SETD2: variants seen among roughly 807,000 people sequenced by gnomAD.
The protein encoded by SETD2 is SET domain containing 2, histone lysine methyltransferase.
In SETD2, 31 loss-of-function variants were observed where a neutral mutation model predicts 242.1. The observed-to-expected ratio is 0.13, with a 90% CI of 0.10 to 0.17. SETD2 has a LOEUF of 0.17. Among genes scored for constraint, SETD2 ranks in the 10% least tolerant of loss-of-function variants. The probability of loss-of-function intolerance (pLI) is 1.00; values close to 1 mark genes in which losing one functional copy is unlikely to be tolerated. For synonymous variants in SETD2, 1,006 were observed against 1,066.5 expected (o/e 0.94, Z 1.11); for missense variants, 2,481 against 3,046.3 (o/e 0.81, Z 4.37).
Position 47,057,053 on chromosome 3 carries a change from C to T in SETD2, c.6731G>A (p.Ser2244Asn). ...EVSSSQYVAQ[S>N]DGVVHQDSSV... ...GGAGTCTTGGTGTACTACACCATCA[C>T]TCTGGGCCACATACTGGGAACTGGA... The change falls in exon 15 of 21, where the codon AGT (serine) becomes AAT (asparagine). Residue 2244 changes from serine to asparagine, a missense_variant. Ser to Asn is a conservative substitution (Grantham distance 46). Transcript: ENST00000409792. 1 of 1,614,264 alleles carries T rather than the reference C, an allele frequency of 6.2e-7. No individual in the cohort carries two copies. Among genetic ancestry groups the T allele is most frequent in the East Asian group, 2.2e-5 (1 of 44,890 alleles).
At chr3:47,128,956 C>T (rs897587624) in intron 1 of SETD2, among the ~76,000 whole-genome samples, 1 of 152,072 alleles carries the variant, frequency 6.6e-6, no homozygotes, top group Non-Finnish European at 1.5e-5. Context: ...CGCACACATA[C>T]GAAATGCTAG....
At chr3:47,068,088 G>A (rs769907167) in intron 12 of SETD2, among the ~76,000 whole-genome samples, 1 of 152,058 alleles carries the variant, frequency 6.6e-6, no homozygotes, top group Non-Finnish European at 1.5e-5. Context: ...ACCGTCCATC[G>A]AGTAACTATT....
At chr3:47,097,541 T>C (rs2042055015) in intron 9 of SETD2, among the ~76,000 whole-genome samples, 1 of 152,194 alleles carries the variant, frequency 6.6e-6, no homozygotes, top group African/African-American at 2.4e-5. Flanking sequence ...GGTTACCTAC[T>C]TCCTCTCAAA....
intron 12 of SETD2, among the ~76,000 whole-genome samples, chr3:47,075,599 A>G (rs1456336688): frequency 2.0e-5 from 3 of 151,252 alleles, no homozygotes; most frequent in Non-Finnish European, 2.9e-5. Flanking sequence ...GAAGAATCTA[A>G]AAAGTATTTG....
chr3:47,102,949 A>G (rs2042273116), intron 7 of SETD2, among the ~76,000 whole-genome samples: 2 of 152,310 alleles, frequency 1.3e-5, no homozygotes, highest in Admixed American at 1.3e-4. Context: ...AAAATAATAT[A>G]CAAAATAATT....
At chr3:47,053,052 G>T (rs1470820569) in intron 15 of SETD2, among the ~76,000 whole-genome samples, 1 of 151,808 alleles carries the variant, frequency 6.6e-6, no homozygotes, top group Non-Finnish European at 1.5e-5. Flanking sequence ...ATCATGCCCA[G>T]CTAATTTTTG....
intron 1 of SETD2, among the ~76,000 whole-genome samples, chr3:47,151,113 G>A (rs1021657876): frequency 1.3e-5 from 2 of 151,888 alleles, no homozygotes; most frequent in African/African-American, 4.8e-5. Context: ...TCCATTAAAA[G>A]AGAAGAACAT....
At chr3:47,125,085 G>A (rs999798118) in intron 2 of SETD2, among the ~76,000 whole-genome samples, 2 of 152,028 alleles carry the variant, frequency 1.3e-5, no homozygotes, top group Non-Finnish European at 2.9e-5. Context: ...TTGGGAGGCC[G>A]AGGCGGGAGG....
chr3:47,094,468 C>T (rs2041927974), intron 9 of SETD2, among the ~76,000 whole-genome samples: 2 of 152,230 alleles, frequency 1.3e-5, no homozygotes, highest in South Asian at 4.1e-4. Context: ...TGCAAAACTG[C>T]ATTCTGAACT....
Position 47,121,496 on chromosome 3 carries a change from T to A in SETD2, c.3140A>T (p.Asp1047Val), listed in dbSNP as rs762521732. 1 of 1,614,090 alleles carries A rather than the reference T, an allele frequency of 6.2e-7. No individual in the cohort carries two copies. Among genetic ancestry groups the A allele is most frequent in the East Asian group, 2.2e-5 (1 of 44,868 alleles). The part of the protein sequence containing the change: ...DYSGSSESSN[D>V]ESDSEDTDSD... ...ATCTGTATCTTCTGAATCACTTTCA[T>A]CATTTGAACTTTCAGAAGAGCCAGA... The change falls in exon 3 of 21, where the codon GAT becomes GTT. Residue 1047 changes from aspartate to valine, a missense_variant. By Grantham distance (152) the Asp-to-Val change is radical. Transcript: ENST00000409792.
At chr3:47,032,158 T>G (rs957257710) in intron 18 of SETD2, among the ~76,000 whole-genome samples, 2 of 152,122 alleles carry the variant, frequency 1.3e-5, no homozygotes, top group African/African-American at 4.8e-5. Flanking sequence ...TGAAAGAGTC[T>G]TAGGAACCTA....
At chr3:47,042,749 T>C (rs757770514) in intron 16 of SETD2, 49 bp from the exon 17 acceptor site, 2 of 1,524,920 alleles carry the variant, frequency 1.3e-6, no homozygotes, top group Non-Finnish European at 1.8e-6. Flanking sequence ...TCTCTTAATC[T>C]GGCTGAATAG....
rs1314067079 is a variant in SETD2, at chr3:47,121,278, T to G, written c.3358A>C (p.Ile1120Leu). The G allele has an allele frequency of 6.2e-7, 1 of 1,613,660 alleles. No individual in the cohort carries two copies. The highest frequency in any genetic ancestry group is 8.5e-7 in the Non-Finnish European group (1 of 1,180,024). Residue 1120 changes from isoleucine (I) to leucine (L), a missense_variant, in exon 3 of 21, where the codon ATA becomes CTA. Ile to Leu is a conservative substitution (Grantham distance 5, BLOSUM62 2). Transcript: ENST00000409792. ...GTTTGAGGACAGGCTTTACTTGCTA[T>G]ACTTTCAAATTTTTCCTCATACAAA... ...RHLYEEKFES[I>L]ASKACPQTDK... is the part of the protein sequence containing the mutation.
chr3:47,024,466 C>T (rs529488516), intron 18 of SETD2, among the ~76,000 whole-genome samples: 306 of 152,148 alleles, frequency 2.0e-3, no homozygotes, highest in African/African-American at 5.9e-3. Context: ...AGTGAGACTC[C>T]GTCTCAAATA....
In SETD2 at chr3:47,017,382, G is replaced by A. The variant is rs972735700; in HGVS notation, c.7534-128C>T. On this transcript the variant is annotated intron_variant, in intron 20 of 20. Transcript: ENST00000409792. This position sits in a 1 kb window ranked among gnomAD's most constrained non-coding sequence, Gnocchi z 4.8. ...TCTCACCAAGACAGGAAGTTAATAA[G>A]GGGGTAGATGTTGGGGCAGGCTGGT... 5.9e-5 allele frequency: 59 copies of A among 995,052 alleles called. No homozygotes were observed. The highest frequency in any genetic ancestry group is 2.5e-4 in the Middle Eastern group (1 of 3,982). The allele number at this position is 995,052 out of a possible 1,614,324, so 61.6% of individuals were successfully genotyped here. A position where few individuals can be genotyped will look rare whatever the true frequency, so the allele number is the denominator to read the frequency against.
chr3:47,060,023 G>T (rs2040265717), intron 14 of SETD2, among the ~76,000 whole-genome samples: 2 of 152,116 alleles, frequency 1.3e-5, no homozygotes. Context: ...GACCTTAGGT[G>T]ATCCACCAGC....
intron 2 of SETD2, 68 bp from the exon 3 acceptor site, chr3:47,124,616 T>G: frequency 7.5e-7 from 1 of 1,328,920 alleles, no homozygotes; most frequent in African/African-American, 1.5e-5. Context: ...CTGCACAGTT[T>G]AAAATGTTTA....
At chr3:47,051,871 AT>A (rs1410465644) in intron 15 of SETD2, among the ~76,000 whole-genome samples, 6 of 152,254 alleles carry the variant, frequency 3.9e-5, no homozygotes, top group Admixed American at 6.5e-5. Flanking sequence ...TTCATGAAGA[AT>A]TTTTCTGACA....
intron 5 of SETD2, among the ~76,000 whole-genome samples, chr3:47,112,859 G>T (rs995929669): frequency 6.6e-6 from 1 of 152,100 alleles, no homozygotes; most frequent in African/African-American, 2.4e-5. Flanking sequence ...CAAAGTGCTG[G>T]GATTACAAGC....
Sources: allele counts gnomAD v4.1 joint callset (sites outside exome capture counted in the v4.1 genomes callset), GRCh38; gene constraint gnomAD v4.1.1; non-coding constraint Gnocchi (gnomAD v3.1); transcripts MANE v1.5; gene names NCBI Gene and HGNC (gene_info 2026-07-23, HGNC 2026-07-21).